Variants in TASOR observed in about 807,000 individuals in gnomAD.
TASOR encodes the protein protein TASOR.
Under a neutral mutation model 178.6 loss-of-function variants are expected in TASOR, and 53 were observed. The observed-to-expected ratio is 0.30, with a 90% CI of 0.24 to 0.37. The LOEUF is 0.37. Among genes scored for constraint, TASOR ranks in the 10% least tolerant of loss-of-function variants. The probability of loss-of-function intolerance (pLI) is 1.00; values close to 1 mark genes in which losing one functional copy is unlikely to be tolerated. For synonymous variants in TASOR, 713 were observed against 696.2 expected (o/e 1.02, Z -0.38); for missense variants, 1,815 against 1,971.4 (o/e 0.92, Z 1.50).
intron 11 of TASOR, among the ~76,000 whole-genome samples, chr3:56,659,394 C>T (rs2077545517): frequency 6.6e-6 from 1 of 152,232 alleles, no homozygotes; most frequent in Admixed American, 6.5e-5. Context: ...ACCACCTCCT[C>T]GCCTTCAGCT....
chr3:56,671,834 G>A, intron 2 of TASOR, 142 bp from the exon 3 acceptor site: 1 of 508,180 alleles, frequency 2.0e-6, no homozygotes, highest in Non-Finnish European at 3.3e-6. Context: ...CTGTCCTTCA[G>A]TTTTTCCCCT....
In TASOR at chr3:56,668,646, A is replaced by AG. The variant is rs1353619084; in HGVS notation, c.736-89dup. 4 of 986,154 alleles carry AG rather than the reference A, an allele frequency of 4.1e-6. No homozygotes were observed. The African/African-American group carries it at 6.7e-5, about 16-fold the overall frequency. 61.1% of individuals were successfully genotyped at this position (986,154 alleles called of 1,614,324 possible). A position where few individuals can be genotyped will look rare whatever the true frequency, so the allele number is the denominator to read the frequency against. On this transcript the variant is annotated intron_variant, in intron 5 of 23. Transcript: ENST00000683822. ...TATTATGAAATACTTCTTTGAATATAGATCAACTATCCCAACCATTTTTTC... is the reference window on the plus strand; with the variant it reads ...TATTATGAAATACTTCTTTGAATATAGGATCAACTATCCCAACCATTTTTTC...
intron 11 of TASOR, among the ~76,000 whole-genome samples, chr3:56,657,102 G>A (rs1211032992): frequency 6.6e-6 from 1 of 151,948 alleles, no homozygotes; most frequent in East Asian, 1.9e-4. Context: ...GGCCAAGGCA[G>A]GCAGATCATG....
At chr3:56,664,850 TA>T (rs2077673021) in intron 7 of TASOR, among the ~76,000 whole-genome samples, 1 of 152,026 alleles carries the variant, frequency 6.6e-6, no homozygotes. Flanking sequence ...AAATACTCAG[TA>T]ACACAAGAAC....
rs1488096154 is a variant in TASOR at position 56,622,959 on chromosome 3, C to A, written c.*78G>T. On this transcript the variant is annotated 3_prime_UTR_variant, in exon 24 of 24. Transcript: ENST00000683822. ...AAAAACATTTGAGAAAGAACAAGAA[C>A]CTTTTGTTTAGAGAATGAAATATAA... is the stretch of plus-strand genomic sequence containing the variant. 6.2e-6 allele frequency: 6 copies of A among 964,180 alleles called. No individual in the cohort carries two copies. Among genetic ancestry groups the A allele is most frequent in the Non-Finnish European group, 8.9e-6 (6 of 674,416 alleles). 59.7% of individuals were successfully genotyped at this position (964,180 alleles called of 1,614,324 possible).
chr3:56,640,165 T>A, intron 15 of TASOR, 35 bp from the exon 16 acceptor site: 1 of 1,570,676 alleles, frequency 6.4e-7, no homozygotes, highest in Non-Finnish European at 8.7e-7. Flanking sequence ...TAGCTTTATT[T>A]CCAATTCATT....
chr3:56,623,452 G>A lies in TASOR; in HGVS notation c.4598C>T (p.Thr1533Ile). 6.2e-7 allele frequency: 1 copy of A among 1,613,386 alleles called. No individual in the cohort carries two copies. Among genetic ancestry groups the A allele is most frequent in the Non-Finnish European group, 8.5e-7 (1 of 1,179,962 alleles). The change falls in exon 24 of 24, where the codon ACC becomes ATC. Residue 1533 changes from threonine to isoleucine, a missense_variant. Thr to Ile is a moderately conservative substitution (Grantham distance 89). Coordinates refer to ENST00000683822, the MANE Select transcript of TASOR (RefSeq NM_001365635.2). The stretch of plus-strand genomic sequence containing the variant: ...TTGATCTGTTCCACGTGATCCTTTG[G>A]TCTCTTTCTCCCATATTTCTGAATG... ...NFHSEIWEKE[T>I]KGSRGTDQKK... is the part of the protein sequence containing the mutation.
Position 56,621,831 on chromosome 3 carries a change from A to C in TASOR, c.*1206T>G, listed in dbSNP as rs1327198986. On this transcript the variant is annotated 3_prime_UTR_variant, in exon 24 of 24. Coordinates refer to ENST00000683822, the MANE Select transcript of TASOR (RefSeq NM_001365635.2). ...AAAGCTTAGTAGTAAAAAAAAAAAAAAAAAAACCGGTTCTTCTGCTCTGTC... is the reference window on the plus strand; with the variant it reads ...AAAGCTTAGTAGTAAAAAAAAAAAACAAAAAACCGGTTCTTCTGCTCTGTC... The C allele has an allele frequency of 1.1e-5, 3 of 277,506 alleles. No individual in the cohort carries two copies. Among genetic ancestry groups the C allele is most frequent in the African/African-American group, 2.2e-5 (1 of 45,174 alleles). The allele number at this position is 277,506 out of a possible 1,614,324, so 17.2% of individuals were successfully genotyped here. A position where few individuals can be genotyped will look rare whatever the true frequency, so the allele number is the denominator to read the frequency against.
chr3:56,632,115 C>T (rs1253599251), intron 18 of TASOR, among the ~76,000 whole-genome samples: 1 of 152,156 alleles, frequency 6.6e-6, no homozygotes. Flanking sequence ...TTGATCAAAT[C>T]CCATGAGATA....
At chr3:56,659,486 C>A (rs1016605235) in intron 11 of TASOR, among the ~76,000 whole-genome samples, 4 of 152,250 alleles carry the variant, frequency 2.6e-5, no homozygotes, top group African/African-American at 9.6e-5. Flanking sequence ...AATCCCTCTA[C>A]CCAAACTAGA....
chr3:56,630,618 C>A (rs1287776393), intron 18 of TASOR, among the ~76,000 whole-genome samples: 1 of 152,098 alleles, frequency 6.6e-6, no homozygotes, highest in East Asian at 1.9e-4. Flanking sequence ...CCAAGGCGGG[C>A]ACATCACCTA....
rs1406320262 is a variant in TASOR, at chr3:56,669,866, A to G, written c.644-75T>C. 6 of 1,138,360 alleles carry G rather than the reference A, an allele frequency of 5.3e-6. No individual in the cohort carries two copies. In the East Asian group the frequency reaches 1.3e-4, roughly 25 times the overall value. 70.5% of individuals were successfully genotyped at this position (1,138,360 alleles called of 1,614,324 possible). ...CTAGGACTAAAATAAGACATTTTTAAGAAGTTATCCTTCATCAATTTGAGG... is the reference window on the plus strand; with the variant it reads ...CTAGGACTAAAATAAGACATTTTTAGGAAGTTATCCTTCATCAATTTGAGG... On this transcript the variant is annotated intron_variant, in intron 4 of 23. Coordinates refer to ENST00000683822, the MANE Select transcript of TASOR (RefSeq NM_001365635.2).
chr3:56,634,716 T>C (rs1376130232), intron 17 of TASOR, among the ~76,000 whole-genome samples: 1 of 152,210 alleles, frequency 6.6e-6, no homozygotes, highest in Non-Finnish European at 1.5e-5. Flanking sequence ...TAGCTGATAC[T>C]AAGGTTAGCT....
At chr3:56,672,964 G>A (rs1035743098) in intron 2 of TASOR, among the ~76,000 whole-genome samples, 35 of 152,136 alleles carry the variant, frequency 2.3e-4, no homozygotes, top group African/African-American at 2.2e-4. Flanking sequence ...GGGATTACAG[G>A]CATGTGCCAC....
At chr3:56,655,036 A>G in intron 11 of TASOR, among the ~76,000 whole-genome samples, 1 of 152,222 alleles carries the variant, frequency 6.6e-6, no homozygotes, top group East Asian at 1.9e-4. Flanking sequence ...TGCAGAACCC[A>G]AAAATACTGT....
rs1190083754 is a variant in TASOR, at chr3:56,621,357, A to G, written c.*1680T>C. ...CTAAAAACAGAATCTTACAAATGTG[A>G]TAGCTATATATCCAAATGAGGTGGT... On this transcript the variant is annotated 3_prime_UTR_variant, in exon 24 of 24. Transcript: ENST00000683822. 2 of 417,104 alleles carry G rather than the reference A, an allele frequency of 4.8e-6. No individual in the cohort carries two copies. The highest frequency in any genetic ancestry group is 8.1e-5 in the Admixed American group (2 of 24,844). The allele number at this position is 417,104 out of a possible 1,614,324, so 25.8% of individuals were successfully genotyped here. A position where few individuals can be genotyped will look rare whatever the true frequency, so the allele number is the denominator to read the frequency against.
At chr3:56,668,235 C>A (rs1311791435) in intron 6 of TASOR, among the ~76,000 whole-genome samples, 162 bp downstream of exon 6, 1 of 152,152 alleles carries the variant, frequency 6.6e-6, no homozygotes, top group Admixed American at 6.5e-5. Context: ...TCAGAAAACA[C>A]TGAACAAACA....
chr3:56,641,122 C>T (rs1220844508), intron 15 of TASOR, among the ~76,000 whole-genome samples: 1 of 149,736 alleles, frequency 6.7e-6, no homozygotes, highest in African/African-American at 2.5e-5. Flanking sequence ...CACAAGTAAA[C>T]TGTAGACAAT....
Position 56,665,171 on chromosome 3 carries a change from A to G in TASOR, c.1022+1089T>C, listed in dbSNP as rs544817639. Reference sequence around the variant, plus strand: ...GAGCAAGACTTTGTCTCTAAAGAGGAAAAAAAAAGAAACAGAGGGTCCTCA... The same window carrying G: ...GAGCAAGACTTTGTCTCTAAAGAGGGAAAAAAAAGAAACAGAGGGTCCTCA... On this transcript the variant is annotated intron_variant, in intron 7 of 23. Coordinates refer to ENST00000683822, the MANE Select transcript of TASOR (RefSeq NM_001365635.2). Among the ~76,000 whole-genome samples the G allele has an allele frequency of 4.8e-5, 7 of 146,958 alleles. No individual in the cohort carries two copies. The East Asian group carries it at 1.4e-3, about 29-fold the overall frequency.
Sources: allele counts gnomAD v4.1 joint callset (sites outside exome capture counted in the v4.1 genomes callset), GRCh38; gene constraint gnomAD v4.1.1; transcripts MANE v1.5; gene names NCBI Gene and HGNC (gene_info 2026-07-23, HGNC 2026-07-21).